Variants in GABRG3 observed in about 807,000 individuals in gnomAD.
GABRG3 encodes the protein gamma-aminobutyric acid type A receptor subunit gamma3, also known as gamma-aminobutyric acid receptor subunit gamma-3.
GABRG3 carries 25 observed loss-of-function variants against 48.8 expected under a neutral mutation model. The ratio of observed to expected loss-of-function variants is 0.51; its 90% confidence interval spans 0.37 to 0.72. The LOEUF is 0.72. GABRG3 is among the 30% of genes least tolerant of loss of function. GABRG3 has a pLI of 0.00. For synonymous variants in GABRG3, 227 were observed against 217.6 expected (o/e 1.04, Z -0.38); for missense variants, 394 against 577.9 (o/e 0.68, Z 3.26).
intron 3 of GABRG3, among the ~76,000 whole-genome samples, chr15:27,196,828 G>GCAT (rs1333848715): frequency 5.2e-4 from 79 of 152,338 alleles, no homozygotes; most frequent in African/African-American, 1.9e-3. Flanking sequence ...GGATTGTTGT[G>GCAT]AAGCCTAAAG....
At chr15:26,998,248 C>T (rs1378543277) in intron 2 of GABRG3, among the ~76,000 whole-genome samples, 1 of 152,154 alleles carries the variant, frequency 6.6e-6, no homozygotes, top group African/African-American at 2.4e-5. Context: ...CTTGATTGCT[C>T]TCCATCAAGA....
chr15:27,500,950 A>ATTTTTTTTTTTTTTT (rs1468649460), intron 6 of GABRG3, among the ~76,000 whole-genome samples: 1 of 108,308 alleles, frequency 9.2e-6, no homozygotes, highest in African/African-American at 4.0e-5. Context: ...GAAGTAACGT[A>ATTTTTTTTTTTTTTT]TGTTTTTTTT....
intron 3 of GABRG3, among the ~76,000 whole-genome samples, chr15:27,071,073 CA>C (rs1896819458): frequency 6.6e-6 from 1 of 152,154 alleles, no homozygotes; most frequent in Non-Finnish European, 1.5e-5. Context: ...TGTTGTTTTT[CA>C]AAATCTGGGC....
chr15:27,316,033 T>C (rs1015781330), intron 3 of GABRG3, among the ~76,000 whole-genome samples: 1 of 152,202 alleles, frequency 6.6e-6, no homozygotes, highest in African/African-American at 2.4e-5. Context: ...ATTGTACTTG[T>C]AAATTTCATT....
intron 3 of GABRG3, among the ~76,000 whole-genome samples, chr15:27,223,152 T>C (rs1168702115): frequency 1.3e-5 from 2 of 152,240 alleles, no homozygotes. Context: ...TAATCCAATA[T>C]TAATGTGGGT....
intron 5 of GABRG3, among the ~76,000 whole-genome samples, chr15:27,391,241 G>A (rs72705712): frequency 0.048 from 7,330 of 152,182 alleles, 295 homozygotes; most frequent in East Asian, 0.18. Flanking sequence ...TATTACACTT[G>A]TAAAGCAATA....
intron 3 of GABRG3, among the ~76,000 whole-genome samples, chr15:27,203,248 C>T (rs1435368606): frequency 6.6e-6 from 1 of 152,116 alleles, no homozygotes; most frequent in Non-Finnish European, 1.5e-5. Context: ...TCTTTGTGTC[C>T]ATGTGTACTC....
At chr15:27,091,617 G>A (rs1435896764) in intron 3 of GABRG3, among the ~76,000 whole-genome samples, 1 of 152,136 alleles carries the variant, frequency 6.6e-6, no homozygotes, top group Admixed American at 6.5e-5. Flanking sequence ...GGAAAGTTTT[G>A]ATCACTGATT....
intron 3 of GABRG3, among the ~76,000 whole-genome samples, chr15:27,315,739 T>C (rs1298663869): frequency 6.6e-6 from 1 of 152,242 alleles, no homozygotes; most frequent in African/African-American, 2.4e-5. Context: ...GATACATTCA[T>C]TATACAACTG....
At chr15:27,174,743 C>T (rs757924275) in intron 3 of GABRG3, among the ~76,000 whole-genome samples, 25 of 152,110 alleles carry the variant, frequency 1.6e-4, no homozygotes, top group Admixed American at 1.2e-3. Flanking sequence ...TAACGGAAGC[C>T]CCTGCAAGTT....
At chr15:27,498,907 G>C (rs1305890593) in intron 6 of GABRG3, among the ~76,000 whole-genome samples, 1 of 152,144 alleles carries the variant, frequency 6.6e-6, no homozygotes, top group Non-Finnish European at 1.5e-5. Flanking sequence ...CACTGTGACT[G>C]TCCGCCACTC....
At chr15:27,381,824 CT>C (rs1895786623) in intron 5 of GABRG3, among the ~76,000 whole-genome samples, 1 of 152,066 alleles carries the variant, frequency 6.6e-6, no homozygotes, top group Non-Finnish European at 1.5e-5. Flanking sequence ...AGCAATATGT[CT>C]GCTTGGATGT....
Position 27,519,840 on chromosome 15 carries a change from C to G in GABRG3, c.713-132C>G, listed in dbSNP as rs1891117000. The stretch of plus-strand genomic sequence containing the variant: ...AGAAAACCAGCATTTTGATCCATTT[C>G]CTGATTTGATATTGTTGTAGTTGTG... On this transcript the variant is annotated intron_variant, in intron 6 of 9. Coordinates refer to ENST00000615808, the MANE Select transcript of GABRG3 (RefSeq NM_033223.5). The G allele has an allele frequency of 1.9e-5, 13 of 678,100 alleles. No homozygotes were observed. In the South Asian group the frequency reaches 2.5e-4, roughly 13 times the overall value. The allele number at this position is 678,100 out of a possible 1,614,324, so 42.0% of individuals were successfully genotyped here.
chr15:27,308,067 CATATATGTTTATACATCCAAACAT>C (rs1325411085), intron 3 of GABRG3, among the ~76,000 whole-genome samples: 426 of 121,054 alleles, frequency 3.5e-3, no homozygotes, highest in Middle Eastern at 0.012. Flanking sequence ...CATATATAAA[CATATATGTTTATACATCCAAACAT>C]ATATAAACAT....
chr15:27,020,258 G>A (rs1410993955), intron 2 of GABRG3, among the ~76,000 whole-genome samples: 1 of 152,286 alleles, frequency 6.6e-6, no homozygotes, highest in East Asian at 1.9e-4. Flanking sequence ...GGGTCTGCAT[G>A]CCTCATCCTC....
intron 3 of GABRG3, among the ~76,000 whole-genome samples, chr15:27,303,469 T>C (rs1405951005): frequency 6.6e-6 from 1 of 151,692 alleles, no homozygotes; most frequent in Non-Finnish European, 1.5e-5. Context: ...AAAAATGTTT[T>C]AAAAACCTAC....
intron 3 of GABRG3, among the ~76,000 whole-genome samples, chr15:27,270,221 C>T (rs1257922997): frequency 6.6e-6 from 1 of 152,064 alleles, no homozygotes; most frequent in Non-Finnish European, 1.5e-5. Flanking sequence ...TGTGTTTGGG[C>T]TTAGGATCTA....
At chr15:26,977,644 G>A (rs1002031258) in intron 2 of GABRG3, among the ~76,000 whole-genome samples, 1 of 152,140 alleles carries the variant, frequency 6.6e-6, no homozygotes, top group Non-Finnish European at 1.5e-5. Context: ...GTTGTTACAT[G>A]TGTCAGTAGT....
At chr15:27,234,955 C>A (rs1889910136) in intron 3 of GABRG3, among the ~76,000 whole-genome samples, 1 of 152,114 alleles carries the variant, frequency 6.6e-6, no homozygotes, top group Non-Finnish European at 1.5e-5. Context: ...GATGAATAAA[C>A]AGTCCTCTGT....
Sources: gnomAD v4.1 joint callset for allele counts (sites outside exome capture counted in the v4.1 genomes callset) on GRCh38, gnomAD v4.1.1 for gene constraint, MANE v1.5 for transcripts, NCBI Gene and HGNC (gene_info 2026-07-23, HGNC 2026-07-21) for gene names.